The following RBFOX3 variants were observed in gnomAD, a reference collection of about 807,000 sequenced individuals.
RBFOX3 encodes the protein RNA binding protein fox-1 homolog 3.
Under a neutral mutation model 48.7 loss-of-function variants are expected in RBFOX3, and 17 were observed. The observed-to-expected ratio is 0.35, with a 90% CI of 0.24 to 0.52. The LOEUF (loss-of-function observed/expected upper bound fraction) is 0.52. Among genes scored for constraint, RBFOX3 ranks in the 20% least tolerant of loss-of-function variants. RBFOX3 has a pLI of 0.94. For missense variants in RBFOX3, 382 were observed against 497.5 expected, an observed-to-expected ratio of 0.77 and a Z score of 2.21; for synonymous variants, 212 against 209.5, an observed-to-expected ratio of 1.01 and a Z score of -0.10.
Position 79,090,051 on chromosome 17 carries a change from C to T in RBFOX3, c.*832G>A, listed in dbSNP as rs1289046336. On this transcript the variant is annotated 3_prime_UTR_variant, in exon 15 of 15. Transcript: ENST00000693108. ...TCCCAGCAGGCAGCACGAGGTCAGC[C>T]TTGGTGTACACAGGCCCCGGGCCTC... 6.6e-6 allele frequency: 1 copy of T among 152,560 alleles called. No individual in the cohort carries two copies. The highest frequency in any genetic ancestry group is 1.9e-4 in the East Asian group (1 of 5,188). 9.5% of individuals were successfully genotyped at this position (152,560 alleles called of 1,614,324 possible). A position where few individuals can be genotyped will look rare whatever the true frequency, so the allele number is the denominator to read the frequency against.
chr17:79,625,717 G>A, the RBFOX3 span, among the ~76,000 whole-genome samples: 4 of 152,176 alleles, frequency 2.6e-5, no homozygotes, highest in African/African-American at 4.8e-5. Context: ...GCTTGAACCC[G>A]GGAGGTGGAA....
At chr17:79,585,219 C>G (rs2093209064) in intron 1 of RBFOX3, among the ~76,000 whole-genome samples, 1 of 152,154 alleles carries the variant, frequency 6.6e-6, no homozygotes, top group African/African-American at 2.4e-5. Context: ...CCAAACACCA[C>G]CTGTTCCCCA....
chr17:79,582,159 T>C (rs2144833330), intron 1 of RBFOX3, among the ~76,000 whole-genome samples: 1 of 150,068 alleles, frequency 6.7e-6, no homozygotes, highest in East Asian at 2.0e-4. Flanking sequence ...CCCGTGTATG[T>C]GCCTGTGCGT....
chr17:79,664,760 T>C, the RBFOX3 span, among the ~76,000 whole-genome samples: 1 of 152,036 alleles, frequency 6.6e-6, no homozygotes, highest in South Asian at 2.1e-4. Context: ...TCTGTCCCCA[T>C]TAGATGACAC....
chr17:79,208,150 C>G (rs1198568916), intron 4 of RBFOX3, among the ~76,000 whole-genome samples: 1 of 152,160 alleles, frequency 6.6e-6, no homozygotes, highest in Admixed American at 6.5e-5. Flanking sequence ...AGAACCACAA[C>G]CAAGCGGATA....
At chr17:79,601,032 A>T (rs2093692982) in intron 1 of RBFOX3, 1 of 152,402 alleles carries the variant, frequency 6.6e-6, no homozygotes, top group South Asian at 2.1e-4. Flanking sequence ...AGCAGCCGAC[A>T]TGGCCATGCT....
chr17:79,228,214 G>C (rs995220175), intron 4 of RBFOX3, among the ~76,000 whole-genome samples: 2 of 152,140 alleles, frequency 1.3e-5, no homozygotes, highest in Non-Finnish European at 2.9e-5. Flanking sequence ...GCTATCCGTG[G>C]GCTCTCCGTG....
chr17:79,449,684 A>T (rs4790043), intron 2 of RBFOX3, among the ~76,000 whole-genome samples: 1 of 151,210 alleles, frequency 6.6e-6, no homozygotes, highest in Non-Finnish European at 1.5e-5. Flanking sequence ...CCAATGGAGC[A>T]TCTCTGCTGG....
chr17:79,459,482 C>T (rs189919788), intron 2 of RBFOX3, among the ~76,000 whole-genome samples: 7 of 152,268 alleles, frequency 4.6e-5, no homozygotes, highest in South Asian at 2.1e-4. Flanking sequence ...CACTGGGCAA[C>T]GTCCTGCCCG....
At chr17:79,406,876 C>CAAAGAAA (rs1195361720) in intron 2 of RBFOX3, among the ~76,000 whole-genome samples, 1 of 152,218 alleles carries the variant, frequency 6.6e-6, no homozygotes, top group Non-Finnish European at 1.5e-5. Flanking sequence ...ATACCCGAAG[C>CAAAGAAA]TGGCTCCAGA....
At position 79,482,066 on chromosome 17, in the gene RBFOX3, G is replaced by A. The variant is rs8077405; in HGVS notation, c.-175+388C>T. On this transcript the variant is annotated intron_variant, in intron 2 of 14. Coordinates refer to ENST00000693108, the MANE Select transcript of RBFOX3 (RefSeq NM_001350451.2). The surrounding 1 kb of genome is among the most constrained non-coding windows in gnomAD (Gnocchi z 4.1). Reference sequence around the variant, plus strand: ...TTCAGGGCCCTCCCTGAGCCGCGGAGCAATCTGGGCAGCAGAACACGAACC... The same window carrying A: ...TTCAGGGCCCTCCCTGAGCCGCGGAACAATCTGGGCAGCAGAACACGAACC... Among the ~76,000 whole-genome samples, 2,315 of 152,196 alleles carry A rather than the reference G, an allele frequency of 0.015. 46 individuals carry two copies. Among genetic ancestry groups the A allele is most frequent in the African/African-American group, 0.052 (2,143 of 41,502 alleles).
At position 79,443,711 on chromosome 17, in the gene RBFOX3, G is replaced by A. The variant is rs992242658; in HGVS notation, c.-175+38743C>T. 5.9e-5 allele frequency among the ~76,000 whole-genome samples: 9 copies of A among 152,178 alleles called. No individual in the cohort carries two copies. The highest frequency in any genetic ancestry group is 7.3e-5 in the Non-Finnish European group (5 of 68,032). ...CACTGTCTCACATGTGCACACACTC[G>A]TTCTCACATGCTCACACTACTTGGG... On this transcript the variant is annotated intron_variant, in intron 2 of 14. Coordinates refer to ENST00000693108, the MANE Select transcript of RBFOX3 (RefSeq NM_001350451.2). The surrounding 1 kb of genome is among the most constrained non-coding windows in gnomAD (Gnocchi z 4.4).
At chr17:79,230,207 C>T (rs182639921) in intron 4 of RBFOX3, among the ~76,000 whole-genome samples, 127 of 152,278 alleles carry the variant, frequency 8.3e-4, no homozygotes, top group African/African-American at 3.0e-3. Flanking sequence ...TCCTCACCAC[C>T]CAGTCTTTGA....
At chr17:79,463,620 T>C (rs1298118038) in intron 2 of RBFOX3, among the ~76,000 whole-genome samples, 492 of 27,148 alleles carry the variant, frequency 0.018, no homozygotes, top group Middle Eastern at 0.026. Context: ...TCCACCGCCA[T>C]CGCCACCGCC....
chr17:79,463,506 C>A (rs1157209953), intron 2 of RBFOX3, among the ~76,000 whole-genome samples: 1 of 113,134 alleles, frequency 8.8e-6, no homozygotes, highest in Non-Finnish European at 2.0e-5. Context: ...ACTGCCATCG[C>A]CACTGCCACC....
At chr17:79,634,629 C>T in the RBFOX3 span, among the ~76,000 whole-genome samples, 1 of 152,102 alleles carries the variant, frequency 6.6e-6, no homozygotes, top group African/African-American at 2.4e-5. Context: ...CCTCAGGGAG[C>T]CTTCAGGGTA....
chr17:79,386,936 A>G (rs1468159354), intron 2 of RBFOX3, among the ~76,000 whole-genome samples: 1 of 152,262 alleles, frequency 6.6e-6, no homozygotes, highest in Non-Finnish European at 1.5e-5. Flanking sequence ...ATGAAGGAGA[A>G]AAATGGAACT....
intron 4 of RBFOX3, among the ~76,000 whole-genome samples, chr17:79,117,187 G>A (rs1003517675): frequency 6.6e-6 from 1 of 152,256 alleles, no homozygotes; most frequent in Admixed American, 6.5e-5. Context: ...GGAGTCTGCG[G>A]TGAGGAGGCC....
intron 2 of RBFOX3, among the ~76,000 whole-genome samples, chr17:79,331,178 C>A (rs560429300): frequency 6.8e-4 from 104 of 152,336 alleles, no homozygotes; most frequent in Non-Finnish European, 1.4e-3. Context: ...TCCTTGACAA[C>A]CCCTCCCTGA....
Sources: gnomAD v4.1 joint callset for allele counts (sites outside exome capture counted in the v4.1 genomes callset) on GRCh38, gnomAD v4.1.1 for gene constraint, Gnocchi (gnomAD v3.1) non-coding constraint, MANE v1.5 for transcripts, NCBI Gene and HGNC (gene_info 2026-07-23, HGNC 2026-07-21) for gene names.